FUT8: variants seen among roughly 807,000 people sequenced by gnomAD.
FUT8 encodes fucosyltransferase 8, also known as alpha-(1,6)-fucosyltransferase.
Under a neutral mutation model 71.3 loss-of-function variants are expected in FUT8, and 29 were observed. That is an observed-to-expected ratio of 0.41 (90% CI 0.30 to 0.55). The LOEUF (loss-of-function observed/expected upper bound fraction) is 0.55. FUT8 is among the 20% of genes least tolerant of loss of function. The pLI is 0.34. For synonymous variants in FUT8, 254 were observed against 239.3 expected, an observed-to-expected ratio of 1.06 and a Z score of -0.57; for missense variants, 544 against 702.1, an observed-to-expected ratio of 0.77 and a Z score of 2.55.
rs562518294 is a variant in FUT8 at position 65,681,643 on chromosome 14, T to C, written c.835+12163T>C. On this transcript the variant is annotated intron_variant, in intron 7 of 10. Coordinates refer to ENST00000673929, the MANE Select transcript of FUT8 (RefSeq NM_001371533.1). Reference sequence around the variant, plus strand: ...CTTTATAAAATCTCAGTTGTATGTGTGTATGTGAGTGTCTTTTTGGATATC... The same window carrying C: ...CTTTATAAAATCTCAGTTGTATGTGCGTATGTGAGTGTCTTTTTGGATATC... Among the ~76,000 whole-genome samples, 8 of 152,316 alleles carry C rather than the reference T, an allele frequency of 5.3e-5. No individual in the cohort carries two copies. The East Asian group carries it at 7.7e-4, about 15-fold the overall frequency.
At chr14:65,485,727 T>G (rs976429888) in intron 2 of FUT8, among the ~76,000 whole-genome samples, 1 of 152,230 alleles carries the variant, frequency 6.6e-6, no homozygotes, top group Admixed American at 6.5e-5. Context: ...CCTGCTACTT[T>G]CCCGGGGCTA....
chr14:65,575,672 G>A (rs1276138985), intron 3 of FUT8, among the ~76,000 whole-genome samples: 3 of 147,790 alleles, frequency 2.0e-5, no homozygotes, highest in Non-Finnish European at 4.4e-5. Flanking sequence ...AGACTGGAGT[G>A]CAGCGGCACA....
chr14:65,727,987 G>A (rs1895770349), intron 9 of FUT8, among the ~76,000 whole-genome samples: 1 of 152,140 alleles, frequency 6.6e-6, no homozygotes, highest in African/African-American at 2.4e-5. Context: ...CATAACAAGA[G>A]TCACCTTTGC....
chr14:65,552,294 A>G (rs892190856), intron 2 of FUT8, among the ~76,000 whole-genome samples: 4 of 152,094 alleles, frequency 2.6e-5, no homozygotes, highest in African/African-American at 9.7e-5. Context: ...CCACTGTAAT[A>G]TTACCTATTG....
intron 2 of FUT8, among the ~76,000 whole-genome samples, chr14:65,481,387 T>C (rs1455894644): frequency 6.6e-6 from 1 of 152,174 alleles, no homozygotes; most frequent in African/African-American, 2.4e-5. Context: ...CCGTAACATA[T>C]ACTTTTTTTT....
rs1888448042 is a variant in FUT8, at chr14:65,604,127, G to A, written c.204-11851G>A. Among the ~76,000 whole-genome samples the A allele has an allele frequency of 4.0e-5, 6 of 151,676 alleles. No homozygotes were observed. In the South Asian group the frequency reaches 1.3e-3, roughly 32 times the overall value. Reference sequence around the variant, plus strand: ...ATAAAACAATTACTACCAAACCTAAGTAATGAGATAGACAGCAACAAAATA... The same window carrying A: ...ATAAAACAATTACTACCAAACCTAAATAATGAGATAGACAGCAACAAAATA... On this transcript the variant is annotated intron_variant, in intron 3 of 10. Transcript: ENST00000673929.
In FUT8 at chr14:65,412,849, A is replaced by G. The variant is rs1483527210; in HGVS notation, c.-691A>G. ...CCGAGCAGCCGGTTCCCTCCTCTCC[A>G]GGCCCCCTCCCCATCCCACCCCCGC... On this transcript the variant is annotated 5_prime_UTR_variant, in exon 1 of 11. Transcript: ENST00000673929. Among the ~76,000 whole-genome samples, 1 of 151,848 alleles carries G rather than the reference A, an allele frequency of 6.6e-6. No homozygotes were observed. Among genetic ancestry groups the G allele is most frequent in the Admixed American group, 6.5e-5 (1 of 15,270 alleles).
intron 7 of FUT8, among the ~76,000 whole-genome samples, chr14:65,716,367 G>A (rs1332690151): frequency 1.4e-5 from 2 of 146,026 alleles, no homozygotes; most frequent in Admixed American, 6.8e-5. Context: ...TCATTATATA[G>A]TGACCTTCTT....
chr14:65,571,829 G>A (rs746418525), intron 3 of FUT8, among the ~76,000 whole-genome samples: 1 of 151,842 alleles, frequency 6.6e-6, no homozygotes, highest in African/African-American at 2.4e-5. Context: ...TATATCAGTT[G>A]TTCTATTTAG....
At chr14:65,616,477 G>T (rs1434050058) in intron 5 of FUT8, 104 bp downstream of exon 5, 2 of 1,007,132 alleles carry the variant, frequency 2.0e-6, no homozygotes, top group Admixed American at 4.9e-5. Flanking sequence ...AATATTAATA[G>T]CACCTACAAT....
intron 2 of FUT8, among the ~76,000 whole-genome samples, chr14:65,522,258 T>A (rs1190364414): frequency 6.6e-6 from 1 of 152,258 alleles, no homozygotes; most frequent in Non-Finnish European, 1.5e-5. Flanking sequence ...CTGGTTTTCT[T>A]GTCTGTTAGA....
At chr14:65,379,397 G>T in the FUT8 span, among the ~76,000 whole-genome samples, 1 of 152,062 alleles carries the variant, frequency 6.6e-6, no homozygotes, top group Non-Finnish European at 1.5e-5. Flanking sequence ...TGGGCATGGT[G>T]GTGCACACCG....
intron 6 of FUT8, among the ~76,000 whole-genome samples, chr14:65,639,916 TAAGA>T (rs1890748591): frequency 6.6e-6 from 1 of 152,082 alleles, no homozygotes; most frequent in Non-Finnish European, 1.5e-5. Flanking sequence ...CTAAGTAAAT[TAAGA>T]ATCATTGTTT....
At position 65,603,305 on chromosome 14, in the gene FUT8, TG is replaced by T. The variant is rs1226182008; in HGVS notation, c.204-12670del. 6.6e-6 allele frequency among the ~76,000 whole-genome samples: 1 copy of T among 151,852 alleles called. No homozygotes were observed. Among genetic ancestry groups the T allele is most frequent in the East Asian group, 1.9e-4 (1 of 5,204 alleles). On this transcript the variant is annotated intron_variant, in intron 3 of 10. Coordinates refer to ENST00000673929, the MANE Select transcript of FUT8 (RefSeq NM_001371533.1). The surrounding 1 kb of genome is among the most constrained non-coding windows in gnomAD (Gnocchi z 4.5). ...GGCTGTAAGTATTTGGGTTTTTTTC[TG>T]GGTTCTCTATTCTGTTCAGTTGGTC... is the stretch of plus-strand genomic sequence containing the variant.
At chr14:65,635,472 G>A (rs904928697) in intron 6 of FUT8, among the ~76,000 whole-genome samples, 1 of 152,082 alleles carries the variant, frequency 6.6e-6, no homozygotes. Context: ...TTGGCTGTGG[G>A]TTTGTCATAG....
intron 2 of FUT8, among the ~76,000 whole-genome samples, chr14:65,497,851 T>C (rs1045289510): frequency 2.0e-5 from 3 of 152,148 alleles, no homozygotes; most frequent in Non-Finnish European, 4.4e-5. Flanking sequence ...ACTCAGTTTA[T>C]AGTCTCCGAA....
At chr14:65,702,759 A>C (rs1276106026) in intron 7 of FUT8, among the ~76,000 whole-genome samples, 1 of 148,824 alleles carries the variant, frequency 6.7e-6, no homozygotes, top group Non-Finnish European at 1.5e-5. Context: ...TTTTTTTTTT[A>C]AACAGAGTTT....
At chr14:65,636,688 A>G (rs1486314204) in intron 6 of FUT8, 2 of 152,120 alleles carry the variant, frequency 1.3e-5, no homozygotes, top group Non-Finnish European at 2.9e-5. Context: ...TCTAGTTTAC[A>G]GTCATATATA....
At chr14:65,556,794 A>G (rs1885608076) in intron 2 of FUT8, among the ~76,000 whole-genome samples, 1 of 152,220 alleles carries the variant, frequency 6.6e-6, no homozygotes, top group African/African-American at 2.4e-5. Flanking sequence ...TATATACCAC[A>G]TAATAATTTG....
Sources: allele counts gnomAD v4.1 joint callset (sites outside exome capture counted in the v4.1 genomes callset), GRCh38; gene constraint gnomAD v4.1.1; non-coding constraint Gnocchi (gnomAD v3.1); transcripts MANE v1.5; gene names NCBI Gene and HGNC (gene_info 2026-07-23, HGNC 2026-07-21).